The following POF1B variants were observed in gnomAD, a reference collection of about 807,000 sequenced individuals.
POF1B encodes the protein POF1B actin binding protein, also known as protein POF1B.
A neutral mutation model predicts 55.3 loss-of-function variants in POF1B; 53 were observed. The observed-to-expected ratio is 0.96, with a 90% CI of 0.77 to 1.20. POF1B has a LOEUF of 1.20. POF1B is among the 50% of genes most tolerant of loss of function. POF1B has a pLI of 0.00. For synonymous variants in POF1B, 188 were observed against 148.3 expected (o/e 1.27, Z -1.95); for missense variants, 478 against 420.5 (o/e 1.14, Z -1.20).
intron 13 of POF1B, among the ~76,000 whole-genome samples, chrX:85,304,967 C>G (rs983366366): frequency 2.8e-4 from 31 of 111,149 alleles, no homozygotes; most frequent in African/African-American, 8.8e-4. Flanking sequence ...AACATAGCTG[C>G]AACTCCAAAA....
chrX:85,313,585 T>C (rs1289372411), intron 9 of POF1B, among the ~76,000 whole-genome samples: 6 of 111,881 alleles, frequency 5.4e-5, no homozygotes, highest in Non-Finnish European at 9.4e-5. Flanking sequence ...TGCTGTATTT[T>C]ATTGAGGATT....
chrX:85,360,414 G>C (rs1382804727), intron 3 of POF1B, among the ~76,000 whole-genome samples: 1 of 104,052 alleles, frequency 9.6e-6, no homozygotes, highest in Non-Finnish European at 1.9e-5. Context: ...TGCGGTATTT[G>C]GTTTTCTGTT....
Position 85,379,428 on chromosome X carries a change from C to T in POF1B, c.27G>A (p.Thr9=), listed in dbSNP as rs1933976377. 8.3e-7 allele frequency: 1 copy of T among 1,209,065 alleles called. No homozygotes were observed. The highest frequency in any genetic ancestry group is 1.1e-6 in the Non-Finnish European group (1 of 894,924). The stretch of plus-strand genomic sequence containing the variant: ...GCTGGGTTCCACAGCTGCTGCTGCT[C>T]GTCTCACTCCAATAGCTCGAGCTCA... MSSSYWSE[T]SSSSCGTQQL... Residue 9 remains threonine (T), a synonymous_variant, in exon 2 of 17, where the codon ACG becomes ACA. Transcript: ENST00000262753.
intron 15 of POF1B, among the ~76,000 whole-genome samples, chrX:85,297,619 G>A (rs1343638184): frequency 8.9e-6 from 1 of 111,796 alleles, no homozygotes; most frequent in Non-Finnish European, 1.9e-5. Context: ...TTGGCAGAGA[G>A]TATTACTCTG....
chrX:85,364,543 G>A (rs1040409041), intron 3 of POF1B, among the ~76,000 whole-genome samples: 1 of 111,508 alleles, frequency 9.0e-6, no homozygotes, highest in Non-Finnish European at 1.9e-5. Context: ...CTTGTTTGAT[G>A]ATTTTTTTTC....
Position 85,302,671 on chromosome X carries a change from A to G in POF1B, c.1649+735T>C, listed in dbSNP as rs531138446. On this transcript the variant is annotated intron_variant, in intron 15 of 16. Transcript: ENST00000262753. ...TCACAATAGCCAAAAATTGAAAACA[A>G]CCCAAATGTCCAACTGATTAATCAA... is the stretch of plus-strand genomic sequence containing the variant. Among the ~76,000 whole-genome samples the G allele has an allele frequency of 7.2e-5, 8 of 111,763 alleles. No homozygotes were observed. The South Asian group carries it at 3.0e-3, about 41-fold the overall frequency.
intron 6 of POF1B, 130 bp from the exon 7 acceptor site, chrX:85,331,209 T>C (rs1474215501): frequency 1.6e-6 from 1 of 638,451 alleles, no homozygotes; most frequent in Non-Finnish European, 2.2e-6. Flanking sequence ...TTTTCAGGGA[T>C]ACATTTTTTA....
chrX:85,290,997 T>C (rs1932173342), intron 15 of POF1B, among the ~76,000 whole-genome samples: 1 of 112,154 alleles, frequency 8.9e-6, no homozygotes, highest in Admixed American at 9.5e-5. Context: ...TCTTGGTCAT[T>C]AAATCTTTGT....
Position 85,282,189 on chromosome X carries a change from C to A in POF1B, c.1764+14G>T. 1 of 1,176,484 alleles carries A rather than the reference C, an allele frequency of 8.5e-7. No homozygotes were observed. The highest frequency in any genetic ancestry group is 1.1e-6 in the Non-Finnish European group (1 of 877,956). ...ATCGTCAAAATAGGGCTAAAAATGC[C>A]CAAGTGAACTTACACAAGTGTATTT... On this transcript the variant is annotated intron_variant, in intron 16 of 16. Coordinates refer to ENST00000262753, the MANE Select transcript of POF1B (RefSeq NM_024921.4).
At chrX:85,320,304 A>G (rs1285289912) in intron 7 of POF1B, among the ~76,000 whole-genome samples, 1 of 110,984 alleles carries the variant, frequency 9.0e-6, no homozygotes, top group Non-Finnish European at 1.9e-5. Flanking sequence ...AAACCGCACA[A>G]CTACATGGAA....
At chrX:85,316,077 G>C (rs754386594) in intron 7 of POF1B, among the ~76,000 whole-genome samples, 1 of 111,323 alleles carries the variant, frequency 9.0e-6, no homozygotes, top group East Asian at 2.8e-4. Flanking sequence ...GAATGAACAA[G>C]AAAAATAGCC....
chrX:85,326,315 A>G (rs1161294727), intron 7 of POF1B, among the ~76,000 whole-genome samples: 1 of 110,476 alleles, frequency 9.1e-6, no homozygotes, highest in Non-Finnish European at 1.9e-5. Flanking sequence ...GTGTCCCTGC[A>G]TGCGTTTGCC....
chrX:85,288,308 C>A (rs986420147), intron 15 of POF1B, among the ~76,000 whole-genome samples: 2 of 110,955 alleles, frequency 1.8e-5, no homozygotes, highest in East Asian at 5.7e-4. Context: ...CCCTGTCCCC[C>A]ACTTGTAGAA....
At chrX:85,360,484 A>G (rs1403886182) in intron 3 of POF1B, among the ~76,000 whole-genome samples, 2 of 99,177 alleles carry the variant, frequency 2.0e-5, no homozygotes, top group East Asian at 6.3e-4. Flanking sequence ...CACAAAAGAC[A>G]TGATCTCATT....
chrX:85,304,661 T>A (rs922513085), intron 13 of POF1B, among the ~76,000 whole-genome samples, 190 bp from the exon 14 acceptor site: 1 of 110,996 alleles, frequency 9.0e-6, no homozygotes, highest in African/African-American at 3.3e-5. Flanking sequence ...AAATTTCTCC[T>A]TTTTTTAAGG....
chrX:85,323,622 A>T (rs868488885), intron 7 of POF1B, among the ~76,000 whole-genome samples: 2 of 91,343 alleles, frequency 2.2e-5, no homozygotes, highest in Admixed American at 1.1e-4. Context: ...ATAAAAAAAT[A>T]AAAAAAAATG....
At chrX:85,284,637 C>T (rs1931997251) in intron 15 of POF1B, among the ~76,000 whole-genome samples, 1 of 99,215 alleles carries the variant, frequency 1.0e-5, no homozygotes, top group South Asian at 4.3e-4. Context: ...CTTCCTTACA[C>T]CTTATACAAA....
intron 3 of POF1B, among the ~76,000 whole-genome samples, chrX:85,366,010 A>G (rs1011746447): frequency 8.9e-6 from 1 of 111,741 alleles, no homozygotes; most frequent in Non-Finnish European, 1.9e-5. Flanking sequence ...TTATATATCA[A>G]TGAGAACAAA....
Position 85,349,311 on chromosome X carries a change from A to G in POF1B, c.540+2039T>C, listed in dbSNP as rs771408388. ...ATGAGTTCTTATGCCAAAAAGTTCA[A>G]AAAGGAAAAGCTAGAATTTTTTAGT... is the stretch of plus-strand genomic sequence containing the variant. On this transcript the variant is annotated intron_variant, in intron 5 of 16. Transcript: ENST00000262753. 3.6e-5 allele frequency among the ~76,000 whole-genome samples: 4 copies of G among 111,539 alleles called. No individual in the cohort carries two copies. The South Asian group carries it at 1.5e-3, about 41-fold the overall frequency.
Sources: gnomAD v4.1 joint callset for allele counts (sites outside exome capture counted in the v4.1 genomes callset) on GRCh38, gnomAD v4.1.1 for gene constraint, MANE v1.5 for transcripts, NCBI Gene and HGNC (gene_info 2026-07-23, HGNC 2026-07-21) for gene names.